DNAH14: variants seen among roughly 807,000 people sequenced by gnomAD.
The protein encoded by DNAH14 is axonemal beta dynein heavy chain 14.
A neutral mutation model predicts 520.9 loss-of-function variants in DNAH14; 478 were observed. That is an observed-to-expected ratio of 0.92 (90% confidence interval 0.85 to 0.99). DNAH14 has a LOEUF of 0.99. Among genes scored for constraint, DNAH14 ranks in the 50% least tolerant of loss-of-function variants. The pLI, the probability that DNAH14 is intolerant of heterozygous loss-of-function variation, is 0.00. For synonymous variants in DNAH14, 1,581 were observed against 1,757.2 expected, an observed-to-expected ratio of 0.90 and a Z score of 2.51; for missense variants, 4,831 against 5,234.5, an observed-to-expected ratio of 0.92 and a Z score of 2.38.
intron 1 of DNAH14, among the ~76,000 whole-genome samples, chr1:224,947,460 G>A (rs968153442): frequency 3.3e-5 from 5 of 151,970 alleles, no homozygotes; most frequent in African/African-American, 4.8e-5. Context: ...GATTCTGATC[G>A]GAGTTATTTT....
chr1:225,342,927 C>G (rs1207384390), intron 69 of DNAH14, among the ~76,000 whole-genome samples: 2 of 151,112 alleles, frequency 1.3e-5, no homozygotes, highest in Admixed American at 6.6e-5. Flanking sequence ...TAGGTGGTAG[C>G]CCATTCCTTA....
At chr1:225,339,115 G>A (rs539933145) in intron 68 of DNAH14, among the ~76,000 whole-genome samples, 104 of 147,984 alleles carry the variant, frequency 7.0e-4, no homozygotes, top group Non-Finnish European at 1.1e-3. Flanking sequence ...TGACCAACAT[G>A]GTGAAACTCC....
intron 37 of DNAH14, among the ~76,000 whole-genome samples, chr1:225,188,431 TATTA>T (rs1185426332): frequency 6.6e-6 from 1 of 151,954 alleles, no homozygotes; most frequent in Non-Finnish European, 1.5e-5. Flanking sequence ...TTAATTGTTC[TATTA>T]ATTATTGTTA....
chr1:225,369,868 T>A (rs926103363), intron 77 of DNAH14, among the ~76,000 whole-genome samples: 5 of 152,166 alleles, frequency 3.3e-5, no homozygotes, highest in Admixed American at 3.3e-4. Context: ...TAACTCTAGA[T>A]AACCTTTTAT....
At chr1:224,977,036 C>T (rs2061900183) in intron 8 of DNAH14, among the ~76,000 whole-genome samples, 1 of 151,188 alleles carries the variant, frequency 6.6e-6, no homozygotes, top group African/African-American at 2.4e-5. Flanking sequence ...GACACATGCA[C>T]ACGTATGTTT....
intron 25 of DNAH14, among the ~76,000 whole-genome samples, chr1:225,118,503 C>G (rs2077036758): frequency 6.6e-6 from 1 of 152,108 alleles, no homozygotes; most frequent in Admixed American, 6.6e-5. Flanking sequence ...GCAAGTGGTC[C>G]TGATGTAAGT....
intron 9 of DNAH14, among the ~76,000 whole-genome samples, chr1:225,006,449 A>C (rs1445870418): frequency 6.6e-6 from 1 of 152,124 alleles, no homozygotes; most frequent in Non-Finnish European, 1.5e-5. Flanking sequence ...AATATCGCTG[A>C]ATTCTTTTCC....
At chr1:225,314,476 T>C (rs1292377097) in intron 60 of DNAH14, among the ~76,000 whole-genome samples, 2 of 152,238 alleles carry the variant, frequency 1.3e-5, no homozygotes, top group Non-Finnish European at 2.9e-5. Context: ...ATCCTGTCAT[T>C]ATGATGCTAG....
chr1:225,366,917 C>G (rs2150597999), intron 76 of DNAH14, among the ~76,000 whole-genome samples: 1 of 152,094 alleles, frequency 6.6e-6, no homozygotes, highest in Non-Finnish European at 1.5e-5. Flanking sequence ...CTCCAAGTTT[C>G]ATAATTTGAG....
At chr1:224,956,760 G>A (rs996758292) in intron 3 of DNAH14, among the ~76,000 whole-genome samples, 3 of 152,130 alleles carry the variant, frequency 2.0e-5, no homozygotes, top group Non-Finnish European at 4.4e-5. Flanking sequence ...AGGGGCCTGA[G>A]CTTCCAGAAT....
Position 224,976,575 on chromosome 1 carries a change from C to T in DNAH14, c.830+2422C>T, listed in dbSNP as rs1255145978. Among the ~76,000 whole-genome samples, 8 of 152,108 alleles carry T rather than the reference C, an allele frequency of 5.3e-5. No individual in the cohort carries two copies. In the South Asian group the frequency reaches 8.3e-4, roughly 16 times the overall value. ...AACCTACAAAATGGGAGAAAATTTTCGCAACCTGCTCATCTGACAAAGGGC... is the reference window on the plus strand; with the variant it reads ...AACCTACAAAATGGGAGAAAATTTTTGCAACCTGCTCATCTGACAAAGGGC... On this transcript the variant is annotated intron_variant, in intron 8 of 85. Transcript: ENST00000682510.
intron 60 of DNAH14, among the ~76,000 whole-genome samples, chr1:225,310,444 T>C (rs2094340624): frequency 6.6e-6 from 1 of 152,136 alleles, no homozygotes; most frequent in Non-Finnish European, 1.5e-5. Flanking sequence ...CCTATAATAC[T>C]CTTTTTAAAT....
chr1:225,368,758 A>C (rs1377057081), intron 77 of DNAH14, among the ~76,000 whole-genome samples: 1 of 152,130 alleles, frequency 6.6e-6, no homozygotes, highest in Non-Finnish European at 1.5e-5. Context: ...TATAACCTAG[A>C]CCCACTCTAG....
intron 10 of DNAH14, among the ~76,000 whole-genome samples, chr1:225,011,837 T>C (rs1376955007): frequency 6.6e-6 from 1 of 151,374 alleles, no homozygotes; most frequent in Admixed American, 6.6e-5. Flanking sequence ...TTTGAGCCTA[T>C]GTGTGTCTTT....
intron 23 of DNAH14, 24 bp downstream of exon 23, chr1:225,100,908 C>T: frequency 6.9e-7 from 1 of 1,443,018 alleles, no homozygotes; most frequent in Admixed American, 3.2e-5. Flanking sequence ...AATTCTAAAG[C>T]AGTGAATCAT....
At chr1:225,225,052 TACG>T (rs2090411418) in intron 41 of DNAH14, among the ~76,000 whole-genome samples, 1 of 152,200 alleles carries the variant, frequency 6.6e-6, no homozygotes, top group Non-Finnish European at 1.5e-5. Context: ...ACCTGCAAGT[TACG>T]ACATCACTGC....
At chr1:224,968,898 A>G (rs1164928156) in intron 7 of DNAH14, 24 bp downstream of exon 7, 5 of 1,484,460 alleles carry the variant, frequency 3.4e-6, no homozygotes, top group East Asian at 2.5e-5. Context: ...AATGAAACCA[A>G]TTCTTTGTAG....
rs763989331 is a variant in DNAH14 at position 225,338,198 on chromosome 1, TA to T, written c.10433+19del. The T allele has an allele frequency of 3.2e-4, 489 of 1,551,924 alleles. No homozygotes were observed. The highest frequency in any genetic ancestry group is 4.0e-4 in the Non-Finnish European group (454 of 1,146,946). On this transcript the variant is annotated intron_variant, in intron 68 of 85. Transcript: ENST00000682510. ...CAAATTTTAGGTAATGTGCCACAGC[TA>T]AATTGAGTCAAATGTCTATGCTTTT...
rs560147264 is a variant in DNAH14, at chr1:225,137,983, G to A, written c.4255-2785G>A. On this transcript the variant is annotated intron_variant, in intron 27 of 85. Transcript: ENST00000682510. Reference sequence around the variant, plus strand: ...CCCCCCTAGTGAGGAGGAGTGAGTCGGGCCCCAGTTAAAGAAGCAGTCTGG... The same window carrying A: ...CCCCCCTAGTGAGGAGGAGTGAGTCAGGCCCCAGTTAAAGAAGCAGTCTGG... Among the ~76,000 whole-genome samples the A allele has an allele frequency of 3.2e-3, 488 of 152,230 alleles. 4 individuals carry two copies. The highest frequency in any genetic ancestry group is 8.0e-3 in the African/African-American group (333 of 41,526).
Sources: allele counts gnomAD v4.1 joint callset (sites outside exome capture counted in the v4.1 genomes callset), GRCh38; gene constraint gnomAD v4.1.1; transcripts MANE v1.5; gene names NCBI Gene and HGNC (gene_info 2026-07-23, HGNC 2026-07-21).